TBCD: variants seen among roughly 807,000 people sequenced by gnomAD.
TBCD encodes tubulin folding cofactor D.
TBCD carries 105 observed loss-of-function variants against 169.3 expected under a neutral mutation model. The ratio of observed to expected loss-of-function variants is 0.62; its 90% CI spans 0.53 to 0.73. The LOEUF is 0.73. Among genes scored for constraint, TBCD ranks in the 30% least tolerant of loss-of-function variants. The probability of loss-of-function intolerance (pLI) is 0.00; values close to 1 mark genes in which losing one functional copy is unlikely to be tolerated. For missense variants in TBCD, 1,444 were observed against 1,600.1 expected, an observed-to-expected ratio of 0.90 and a Z score of 1.66; for synonymous variants, 700 against 643.9, an observed-to-expected ratio of 1.09 and a Z score of -1.32.
chr17:82,924,876 C>T (rs899533161), intron 26 of TBCD, 63 bp from the exon 27 acceptor site: 46 of 1,342,488 alleles, frequency 3.4e-5, no homozygotes, highest in South Asian at 7.7e-5. Context: ...GGGCACACGT[C>T]GGGTGTGGCT....
In TBCD at chr17:82,920,321, G is replaced by A. The variant is rs547287460; in HGVS notation, c.2039-235G>A. ...GGCTCACACATGGGCCTTCTGCCAC[G>A]TGGCTGGGTCTGCAGCACTTTCTTC... On this transcript the variant is annotated intron_variant, in intron 23 of 38. Coordinates refer to ENST00000355528, the MANE Select transcript of TBCD (RefSeq NM_005993.5). The surrounding 1 kb of genome is among the most constrained non-coding windows in gnomAD (Gnocchi z 4.1). 3.8e-5 allele frequency: 22 copies of A among 578,112 alleles called. No individual in the cohort carries two copies. Among genetic ancestry groups the A allele is most frequent in the South Asian group, 2.8e-4 (13 of 46,698 alleles). 35.8% of individuals were successfully genotyped at this position (578,112 alleles called of 1,614,324 possible).
intron 13 of TBCD, among the ~76,000 whole-genome samples, chr17:82,857,582 T>G (rs1341903838): frequency 6.6e-6 from 1 of 152,072 alleles, no homozygotes; most frequent in East Asian, 1.9e-4. Flanking sequence ...AAGTATTTTG[T>G]TTTTTTGTTT....
rs1456151328 is a variant in TBCD at position 82,945,620 on chromosome 17, GTTTGGTTTTTTAATCTTGGCTTAATA to G, written c.*3163_*3188del. The G allele has an allele frequency of 5.9e-5, 9 of 152,142 alleles. No homozygotes were observed. Among genetic ancestry groups the G allele is most frequent in the Non-Finnish European group, 1.3e-4 (9 of 68,022 alleles). 9.4% of individuals were successfully genotyped at this position (152,142 alleles called of 1,614,324 possible). A position where few individuals can be genotyped will look rare whatever the true frequency, so the allele number is the denominator to read the frequency against. The stretch of plus-strand genomic sequence containing the variant: ...AGATAAAAATATGCCATTCTTATCT[GTTTGGTTTTTTAATCTTGGCTTAATA>G]TTTGGGGTTGAGTCATTTGTTTTGA... On this transcript the variant is annotated 3_prime_UTR_variant, in exon 39 of 39. Transcript: ENST00000355528.
rs181749312 is a variant in TBCD at position 82,942,265 on chromosome 17, C to T, written c.3565-184C>T. 3.8e-4 allele frequency: 282 copies of T among 739,784 alleles called. 2 individuals carry two copies. The African/African-American group carries it at 4.2e-3, about 11-fold the overall frequency. 45.8% of individuals were successfully genotyped at this position (739,784 alleles called of 1,614,324 possible). A position where few individuals can be genotyped will look rare whatever the true frequency, so the allele number is the denominator to read the frequency against. On this transcript the variant is annotated intron_variant, in intron 38 of 38. Coordinates refer to ENST00000355528, the MANE Select transcript of TBCD (RefSeq NM_005993.5). Reference sequence around the variant, plus strand: ...CAGATGGGGTGCCCTTCCGAGGACACGTTAGTCATGAGCACCTGTCAGCCA... The same window carrying T: ...CAGATGGGGTGCCCTTCCGAGGACATGTTAGTCATGAGCACCTGTCAGCCA...
intron 6 of TBCD, among the ~76,000 whole-genome samples, chr17:82,779,659 T>C (rs887180324): frequency 3.9e-5 from 6 of 152,326 alleles, no homozygotes; most frequent in South Asian, 4.1e-4. Context: ...TGAGAGGGCT[T>C]GTCCCCACGG....
Position 82,831,864 on chromosome 17 carries a change from C to T in TBCD, c.1318+16930C>T. On this transcript the variant is annotated intron_variant, in intron 13 of 38. Transcript: ENST00000355528. The surrounding 1 kb of genome is among the most constrained non-coding windows in gnomAD (Gnocchi z 4.6). Reference sequence around the variant, plus strand: ...GGTAGCCAGGAGTGTGGAAGGCCGACTTGGTGTGGAAAGACACGGCCTTGG... The same window carrying T: ...GGTAGCCAGGAGTGTGGAAGGCCGATTTGGTGTGGAAAGACACGGCCTTGG... The T allele has an allele frequency of 6.2e-7, 1 of 1,614,104 alleles. No individual in the cohort carries two copies.
Position 82,781,610 on chromosome 17 carries a change from C to T in TBCD, c.660C>T (p.Val220=), listed in dbSNP as rs1267015487. Reference sequence around the variant, plus strand: ...GCAGATTTATCACACGTCCTGATGTCAAGCAAAGCAAGATGGCTGAGTTCC... The same window carrying T: ...GCAGATTTATCACACGTCCTGATGTTAAGCAAAGCAAGATGGCTGAGTTCC... ...LVSRFITRPD[V]KQSKMAEFLD... Residue 220 remains valine (V), a synonymous_variant, in exon 7 of 39, where the codon GTC becomes GTT. Coordinates refer to ENST00000355528, the MANE Select transcript of TBCD (RefSeq NM_005993.5). 1 of 1,613,792 alleles carries T rather than the reference C, an allele frequency of 6.2e-7. No homozygotes were observed. Among genetic ancestry groups the T allele is most frequent in the Admixed American group, 1.7e-5 (1 of 60,002 alleles).
At chr17:82,850,065 G>C (rs1230362679) in intron 13 of TBCD, among the ~76,000 whole-genome samples, 1 of 76,202 alleles carries the variant, frequency 1.3e-5, no homozygotes, top group Admixed American at 1.3e-4. Context: ...TGGCTGTGCT[G>C]CTGTTGGCTG....
rs762115783 is a variant in TBCD, at chr17:82,814,871, G to A, written c.1255G>A (p.Gly419Arg). 6 of 1,613,666 alleles carry A rather than the reference G, an allele frequency of 3.7e-6. No homozygotes were observed. The highest frequency in any genetic ancestry group is 5.1e-6 in the Non-Finnish European group (6 of 1,179,800). The change falls in exon 13 of 39, where the codon GGA (glycine) becomes AGA (arginine). Residue 419 changes from glycine to arginine, a missense_variant. Physicochemically the swap from Gly to Arg is moderately radical, Grantham distance 125 (BLOSUM62 -2). Transcript: ENST00000355528. Reference protein sequence around the residue: ...FQETDKAWHGGCLALAELGRR... With the variant: ...FQETDKAWHGRCLALAELGRR... ...GGAGACTGACAAGGCGTGGCATGGGGGATGTCTGGCGCTGGCAGAGCTGGG... is the reference window on the plus strand; with the variant it reads ...GGAGACTGACAAGGCGTGGCATGGGAGATGTCTGGCGCTGGCAGAGCTGGG...
Position 82,800,968 on chromosome 17 carries a change from T to C in TBCD, c.922T>C (p.Phe308Leu). ...VKLVQRLGLTFLKPKVAAWRY... is the reference protein window; with the variant it reads ...VKLVQRLGLTLLKPKVAAWRY... Reference sequence around the variant, plus strand: ...GCTTGTGCAGCGACTGGGGCTGACATTCCTGAAGCCGAAGGTGGCAGCATG... The same window carrying C: ...GCTTGTGCAGCGACTGGGGCTGACACTCCTGAAGCCGAAGGTGGCAGCATG... The change falls in exon 9 of 39, where the codon TTC becomes CTC. Residue 308 changes from phenylalanine (F) to leucine (L), a missense_variant. Physicochemically the swap from Phe to Leu is conservative, Grantham distance 22 (BLOSUM62 0). Transcript: ENST00000355528. 6.2e-7 allele frequency: 1 copy of C among 1,611,260 alleles called. No homozygotes were observed. Among genetic ancestry groups the C allele is most frequent in the Non-Finnish European group, 8.5e-7 (1 of 1,179,118 alleles).
chr17:82,942,561 C>T lies in TBCD; in HGVS notation c.*98C>T. Reference sequence around the variant, plus strand: ...AAGCCTCGCACAGTGGTGCCTCCAGCTGTTGAAGGGTAGCGCTGGCCCTTG... The same window carrying T: ...AAGCCTCGCACAGTGGTGCCTCCAGTTGTTGAAGGGTAGCGCTGGCCCTTG... On this transcript the variant is annotated 3_prime_UTR_variant, in exon 39 of 39. Transcript: ENST00000355528. 1 of 1,554,252 alleles carries T rather than the reference C, an allele frequency of 6.4e-7. No individual in the cohort carries two copies. Among genetic ancestry groups the T allele is most frequent in the Non-Finnish European group, 8.9e-7 (1 of 1,129,118 alleles).
intron 7 of TBCD, among the ~76,000 whole-genome samples, chr17:82,786,144 C>A (rs1006856425): frequency 6.6e-6 from 1 of 152,170 alleles, no homozygotes; most frequent in African/African-American, 2.4e-5. Flanking sequence ...ATCATCTGCA[C>A]CTGGAACCAG....
In TBCD at chr17:82,927,250, T is replaced by G; in HGVS notation, c.2536T>G (p.Ser846Ala). Residue 846 changes from serine (S) to alanine (A), a missense_variant, in exon 29 of 39, where the codon TCC becomes GCC. Physicochemically the swap from Ser to Ala is moderately conservative, Grantham distance 99 (BLOSUM62 1). Transcript: ENST00000355528. ...PDEAVCGENV[S>A]QIYCALLGCM... ...CGAAGCTGTGTGCGGAGAGAATGTT[T>G]CCCAGATTTACTGTGCGCTGCTGGG... The G allele has an allele frequency of 1.2e-6, 2 of 1,614,006 alleles. 1 individual carries two copies. Among genetic ancestry groups the G allele is most frequent in the South Asian group, 2.2e-5 (2 of 91,080 alleles).
chr17:82,819,057 C>CA (rs991024026), intron 13 of TBCD, among the ~76,000 whole-genome samples: 11 of 150,108 alleles, frequency 7.3e-5, no homozygotes, highest in Admixed American at 4.0e-4. Flanking sequence ...GATCCTGTCT[C>CA]AAAAAAAAGA....
At chr17:82,809,413 G>A (rs1396732780) in intron 11 of TBCD, among the ~76,000 whole-genome samples, 1 of 152,132 alleles carries the variant, frequency 6.6e-6, no homozygotes, top group African/African-American at 2.4e-5. Flanking sequence ...CTGCTGCCTC[G>A]GTACCCTCAG....
Position 82,830,987 on chromosome 17 carries a change from C to T in TBCD, c.1318+16053C>T, listed in dbSNP as rs769450098. The T allele has an allele frequency of 3.1e-6, 5 of 1,613,720 alleles. No individual in the cohort carries two copies. The South Asian group carries it at 4.4e-5, about 14-fold the overall frequency. ...TCATGGAACCCAACCAGAAACATTCCCTTGGAGGTTTTGAAAATGACATTT... is the reference window on the plus strand; with the variant it reads ...TCATGGAACCCAACCAGAAACATTCTCTTGGAGGTTTTGAAAATGACATTT... On this transcript the variant is annotated intron_variant, in intron 13 of 38. Coordinates refer to ENST00000355528, the MANE Select transcript of TBCD (RefSeq NM_005993.5).
Position 82,782,061 on chromosome 17 carries a change from A to G in TBCD, c.771+340A>G, listed in dbSNP as rs2048981308. Among the ~76,000 whole-genome samples the G allele has an allele frequency of 6.6e-6, 1 of 152,182 alleles. No homozygotes were observed. The highest frequency in any genetic ancestry group is 1.9e-4 in the East Asian group (1 of 5,190). ...GTGCAGAGACTGAACGAGCTCTAAT[A>G]AAACAAGGTGGGTGAGTTGAAATTT... On this transcript the variant is annotated intron_variant, in intron 7 of 38. Transcript: ENST00000355528. The surrounding 1 kb of genome is among the most constrained non-coding windows in gnomAD (Gnocchi z 5.1).
chr17:82,811,288 C>T (rs868725304), intron 12 of TBCD, among the ~76,000 whole-genome samples: 2 of 152,326 alleles, frequency 1.3e-5, no homozygotes, highest in Middle Eastern at 3.4e-3. Context: ...GCGGCCTGCT[C>T]ATCAGGCCTA....
intron 14 of TBCD, among the ~76,000 whole-genome samples, chr17:82,882,301 C>A (rs1185023206): frequency 1.3e-5 from 2 of 152,178 alleles, no homozygotes; most frequent in Non-Finnish European, 2.9e-5. Flanking sequence ...GCCCAGCACC[C>A]CGCTGTCAAG....
Sources: gnomAD v4.1 joint callset for allele counts (sites outside exome capture counted in the v4.1 genomes callset) on GRCh38, gnomAD v4.1.1 for gene constraint, Gnocchi (gnomAD v3.1) non-coding constraint, MANE v1.5 for transcripts, NCBI Gene and HGNC (gene_info 2026-07-23, HGNC 2026-07-21) for gene names.